The following WNK1 variants were observed in gnomAD, a reference collection of about 807,000 sequenced individuals.
WNK1 encodes the protein serine/threonine-protein kinase WNK1.
In WNK1, 38 loss-of-function variants were observed where a neutral mutation model predicts 222.8. That is an observed-to-expected ratio of 0.17 (90% CI 0.13 to 0.22). The LOEUF is 0.22. Ranked by LOEUF, WNK1 falls within the 10% of genes least tolerant of loss-of-function variation. The pLI, the probability that WNK1 is intolerant of heterozygous loss-of-function variation, is 1.00. For missense variants in WNK1, 2,348 were observed against 2,918.4 expected (o/e 0.80, Z 4.50); for synonymous variants, 1,090 against 1,092.9 (o/e 1.00, Z 0.05).
In WNK1 at chr12:897,581, A is replaced by C. The variant is rs1166973051; in HGVS notation, c.6348A>C (p.Pro2116=). 1.9e-6 allele frequency: 3 copies of C among 1,614,054 alleles called. No homozygotes were observed. The African/African-American group carries it at 4.0e-5, about 22-fold the overall frequency. The stretch of plus-strand genomic sequence containing the variant: ...TGCCCCCTGCTGTTATTATTCCCCC[A>C]GCTGCTCCCCTTTCAGGGAGAAGAC... The part of the protein sequence containing the change: ...GKVPPAVIIP[P]AAPLSGRRRR... The change falls in exon 25 of 28, where the codon CCA becomes CCC. Residue 2116 remains proline (P), a synonymous_variant. Transcript: ENST00000315939.
rs1376156137 is a variant in WNK1 at position 907,775 on chromosome 12, G to T, written c.6644-72G>T. 4.5e-6 allele frequency: 7 copies of T among 1,559,038 alleles called. No individual in the cohort carries two copies. In the East Asian group the frequency reaches 1.3e-4, roughly 30 times the overall value. ...TCTGTGGCTTGCCATTCATCATCCC[G>T]TGAAGTTTTCCCTCTTCCTGAAATT... On this transcript the variant is annotated intron_variant, in intron 26 of 27. Transcript: ENST00000315939.
At chr12:864,698 A>G (rs1226316890) in intron 8 of WNK1, among the ~76,000 whole-genome samples, 1 of 152,154 alleles carries the variant, frequency 6.6e-6, no homozygotes, top group African/African-American at 2.4e-5. Flanking sequence ...GTATCTTTTA[A>G]TGTACTTTAA....
At chr12:896,883 CCACCACACACACACACACA>C in intron 24 of WNK1, 151 bp downstream of exon 24, 1 of 582,436 alleles carries the variant, frequency 1.7e-6, no homozygotes. Flanking sequence ...CCATACCTCC[CCACCACACACACACACACA>C]CACACACACA....
intron 1 of WNK1, among the ~76,000 whole-genome samples, chr12:776,438 G>GTGTGTGTGTGTGTGTGTT (rs1399075295): frequency 2.0e-5 from 3 of 151,554 alleles, no homozygotes; most frequent in Non-Finnish European, 2.9e-5. Context: ...GTGTGTGTGT[G>GTGTGTGTGTGTGTGTGTT]TGTGTGTTTC....
At chr12:882,711 T>TA (rs1953282330) in intron 14 of WNK1, among the ~76,000 whole-genome samples, 1 of 152,228 alleles carries the variant, frequency 6.6e-6, no homozygotes, top group African/African-American at 2.4e-5. Context: ...AAGCACTACT[T>TA]ATCTTTTAGA....
At chr12:825,560 T>C in intron 2 of WNK1, among the ~76,000 whole-genome samples, 1 of 152,292 alleles carries the variant, frequency 6.6e-6, no homozygotes, top group Middle Eastern at 3.4e-3. Flanking sequence ...TCATATCTTA[T>C]ACAAGTACAT....
intron 9 of WNK1, among the ~76,000 whole-genome samples, chr12:875,132 T>G (rs182971917): frequency 2.6e-5 from 4 of 152,204 alleles, no homozygotes. Flanking sequence ...AGCATAGATA[T>G]GTGAAGGTAT....
chr12:889,771 A>T (rs1954033075), intron 21 of WNK1, among the ~76,000 whole-genome samples: 1 of 152,132 alleles, frequency 6.6e-6, no homozygotes, highest in African/African-American at 2.4e-5. Flanking sequence ...GTGAGCCGAG[A>T]TTGCACCACT....
At chr12:868,306 G>C in intron 8 of WNK1, 1 of 1,610,876 alleles carries the variant, frequency 6.2e-7, no homozygotes, top group Non-Finnish European at 8.5e-7. Context: ...ACCAGGCCCG[G>C]GTGGCAGAAC....
intron 9 of WNK1, among the ~76,000 whole-genome samples, chr12:877,851 G>A (rs1053939867): frequency 4.6e-5 from 7 of 152,194 alleles, no homozygotes; most frequent in African/African-American, 1.4e-4. Context: ...AGAGAGAGCT[G>A]ATGCCAAGAG....
chr12:881,378 T>C (rs55795352), intron 12 of WNK1: 1 of 460,180 alleles, frequency 2.2e-6, no homozygotes, highest in South Asian at 2.1e-5. Context: ...TTCATCTTTG[T>C]ACTATGCTCT....
At chr12:797,953 A>G (rs1043554058) in intron 1 of WNK1, among the ~76,000 whole-genome samples, 2 of 150,956 alleles carry the variant, frequency 1.3e-5, no homozygotes, top group Non-Finnish European at 3.0e-5. Flanking sequence ...TGTCTCAAAA[A>G]AAAAAAAAAA....
rs899190156 is a variant in WNK1 at position 827,489 on chromosome 12, T to C, written c.1153+227T>C. The C allele has an allele frequency of 6.9e-6, 4 of 582,276 alleles. No individual in the cohort carries two copies. In the South Asian group the frequency reaches 9.0e-5, roughly 13 times the overall value. 36.1% of individuals were successfully genotyped at this position (582,276 alleles called of 1,614,324 possible). On this transcript the variant is annotated intron_variant, in intron 3 of 27. Transcript: ENST00000315939. The surrounding 1 kb of genome is among the most constrained non-coding windows in gnomAD (Gnocchi z 4.6). ...TTACGTTACAAGAAATAAAGTGAACTTTGTTGATAAAACCTAATGTAATAG... is the reference window on the plus strand; with the variant it reads ...TTACGTTACAAGAAATAAAGTGAACCTTGTTGATAAAACCTAATGTAATAG...
intron 1 of WNK1, among the ~76,000 whole-genome samples, chr12:769,502 C>T (rs979077324): frequency 6.6e-6 from 1 of 152,100 alleles, no homozygotes; most frequent in Non-Finnish European, 1.5e-5. Flanking sequence ...ATGCCTAGCC[C>T]CTTCTGCATC....
chr12:809,726 G>A (rs1215495171), intron 1 of WNK1, among the ~76,000 whole-genome samples: 1 of 152,084 alleles, frequency 6.6e-6, no homozygotes, highest in Non-Finnish European at 1.5e-5. Context: ...TCTTTGAATT[G>A]CTGTTATACC....
chr12:796,218 A>C (rs1377286278), intron 1 of WNK1, among the ~76,000 whole-genome samples: 1 of 152,116 alleles, frequency 6.6e-6, no homozygotes, highest in Admixed American at 6.6e-5. Context: ...TCTTGTGCTT[A>C]TAATATACAT....
chr12:754,141 G>C lies in WNK1; in HGVS notation c.576G>C (p.Glu192Asp), dbSNP rs971232152. 15 of 1,612,606 alleles carry C rather than the reference G, an allele frequency of 9.3e-6. No homozygotes were observed. In the African/African-American group the frequency reaches 9.3e-5, roughly 10 times the overall value. ...RSGSGGGSAK[E>D]PQEERSQQQD... ...GCAGCGGCGGCGGCAGCGCCAAGGA[G>C]CCACAGGAGGAACGGAGCCAGCAGC... Residue 192 changes from glutamate to aspartate, a missense_variant, in exon 1 of 28, where the codon GAG becomes GAC. Physicochemically the swap from Glu to Asp is conservative, Grantham distance 45. Transcript: ENST00000315939.
chr12:866,119 C>T (rs1413292957), intron 8 of WNK1, among the ~76,000 whole-genome samples: 2 of 152,132 alleles, frequency 1.3e-5, no homozygotes, highest in Non-Finnish European at 2.9e-5. Context: ...CTAGCAACCC[C>T]AGAATTTTCA....
At chr12:761,099 A>G (rs1019474982) in intron 1 of WNK1, among the ~76,000 whole-genome samples, 3 of 147,260 alleles carry the variant, frequency 2.0e-5, no homozygotes, top group Non-Finnish European at 3.0e-5. Context: ...TGTAGTTTTT[A>G]AAAGATTGGT....
Sources: allele counts gnomAD v4.1 joint callset (sites outside exome capture counted in the v4.1 genomes callset), GRCh38; gene constraint gnomAD v4.1.1; non-coding constraint Gnocchi (gnomAD v3.1); transcripts MANE v1.5; gene names NCBI Gene and HGNC (gene_info 2026-07-23, HGNC 2026-07-21).